Variants in FNBP1 observed in about 807,000 individuals in gnomAD.
FNBP1 encodes formin binding protein 1, also known as formin-binding protein 1.
FNBP1 carries 26 observed loss-of-function variants against 90.6 expected under a neutral mutation model. That is an observed-to-expected ratio of 0.29 (90% confidence interval 0.21 to 0.40). FNBP1 has a LOEUF of 0.40. Ranked by LOEUF, FNBP1 falls within the 10% of genes least tolerant of loss-of-function variation. FNBP1 has a pLI of 1.00. For synonymous variants in FNBP1, 260 were observed against 265.2 expected (o/e 0.98, Z 0.19); for missense variants, 635 against 768.0 (o/e 0.83, Z 2.05).
intron 1 of FNBP1, among the ~76,000 whole-genome samples, chr9:130,002,428 C>A (rs1439871238): frequency 6.6e-6 from 1 of 152,016 alleles, no homozygotes; most frequent in African/African-American, 2.4e-5. Context: ...TTCATGAATA[C>A]CTTGGTGCCG....
intron 6 of FNBP1, among the ~76,000 whole-genome samples, chr9:129,954,933 G>A (rs1482504700): frequency 1.3e-5 from 2 of 152,024 alleles, no homozygotes; most frequent in Non-Finnish European, 2.9e-5. Flanking sequence ...GGTGGAGATT[G>A]CAATGAACCG....
In FNBP1 at chr9:130,042,376, C is replaced by A. The variant is rs1235128150; in HGVS notation, c.24+576G>T. Among the ~76,000 whole-genome samples, 1 of 152,144 alleles carries A rather than the reference C, an allele frequency of 6.6e-6. No homozygotes were observed. Among genetic ancestry groups the A allele is most frequent in the African/African-American group, 2.4e-5 (1 of 41,436 alleles). On this transcript the variant is annotated intron_variant, in intron 1 of 16. Transcript: ENST00000446176. This position sits in a 1 kb window ranked among gnomAD's most constrained non-coding sequence, Gnocchi z 5.5. ...GAGCTACCCCGAAAGAACAAGTGCG[C>A]CCGGAGCCGCCACGGGCCAGAAGTC...
chr9:129,903,609 G>A (rs542400016), intron 12 of FNBP1, among the ~76,000 whole-genome samples: 10 of 152,090 alleles, frequency 6.6e-5, no homozygotes, highest in African/African-American at 2.2e-4. Context: ...TTGCCACACA[G>A]ATAAAATAAA....
At chr9:129,952,584 A>T (rs543066484) in intron 6 of FNBP1, among the ~76,000 whole-genome samples, 20 of 152,330 alleles carry the variant, frequency 1.3e-4, no homozygotes, top group African/African-American at 4.6e-4. Context: ...AAAAGTATAA[A>T]GTCAAAGTAT....
upstream of FNBP1, among the ~76,000 whole-genome samples, chr9:130,046,732 C>T (rs1436360879): frequency 1.4e-5 from 2 of 143,952 alleles, no homozygotes; most frequent in Admixed American, 7.2e-5. Flanking sequence ...CGCGCCACTA[C>T]ACTCCAGCCA....
chr9:129,890,245 G>A lies in FNBP1; in HGVS notation c.*294C>T, dbSNP rs1432203330. On this transcript the variant is annotated 3_prime_UTR_variant, in exon 17 of 17. Coordinates refer to ENST00000446176, the MANE Select transcript of FNBP1 (RefSeq NM_015033.3). This position sits in a 1 kb window ranked among gnomAD's most constrained non-coding sequence, Gnocchi z 5.8. ...CTGAGGGCCCAGGAAGGAGCAGGTA[G>A]GGGCGTGTGTCCCACCGTCTCAGTG... is the stretch of plus-strand genomic sequence containing the variant. The A allele has an allele frequency of 2.0e-6, 1 of 503,690 alleles. No individual in the cohort carries two copies. The highest frequency in any genetic ancestry group is 3.0e-5 in the South Asian group (1 of 33,622). The allele number at this position is 503,690 out of a possible 1,614,324, so 31.2% of individuals were successfully genotyped here.
chr9:129,912,814 T>C (rs2039564729), intron 11 of FNBP1, among the ~76,000 whole-genome samples: 1 of 152,210 alleles, frequency 6.6e-6, no homozygotes, highest in Non-Finnish European at 1.5e-5. Context: ...GGCAATGTTC[T>C]ATGGCCGCTC....
upstream of FNBP1, among the ~76,000 whole-genome samples, chr9:130,046,752 G>A (rs1055070974): frequency 2.1e-5 from 3 of 142,432 alleles, no homozygotes; most frequent in South Asian, 2.3e-4. Context: ...ACTGTACTCC[G>A]GCAACAGAGT....
At chr9:130,036,512 A>C (rs780855229) in intron 1 of FNBP1, among the ~76,000 whole-genome samples, 15 of 152,230 alleles carry the variant, frequency 9.9e-5, no homozygotes, top group Non-Finnish European at 8.8e-5. Context: ...CAAAACTGAT[A>C]TCTAAATATC....
chr9:129,992,904 G>A (rs1270373199), intron 2 of FNBP1, among the ~76,000 whole-genome samples: 1 of 148,750 alleles, frequency 6.7e-6, no homozygotes, highest in African/African-American at 2.5e-5. Flanking sequence ...TCAATGGTGA[G>A]GGAGCTTGAA....
chr9:130,050,814 GTTTT>G, the FNBP1 span, among the ~76,000 whole-genome samples: 1 of 37,134 alleles, frequency 2.7e-5, no homozygotes, highest in African/African-American at 5.0e-5. Flanking sequence ...TAATTTTTGT[GTTTT>G]TTTTTTGTTT....
intron 12 of FNBP1, among the ~76,000 whole-genome samples, chr9:129,905,109 G>A (rs770911043): frequency 6.6e-6 from 1 of 151,472 alleles, no homozygotes; most frequent in Non-Finnish European, 1.5e-5. Context: ...TGACTTCATG[G>A]CCCACACCTC....
chr9:129,950,408 T>G (rs1437908853), intron 6 of FNBP1, among the ~76,000 whole-genome samples: 1 of 152,198 alleles, frequency 6.6e-6, no homozygotes, highest in Non-Finnish European at 1.5e-5. Context: ...GTACTAGATC[T>G]TTGGAAATAT....
intron 1 of FNBP1, among the ~76,000 whole-genome samples, chr9:130,027,611 T>C (rs939859263): frequency 1.3e-5 from 2 of 152,126 alleles, no homozygotes; most frequent in African/African-American, 4.8e-5. Context: ...GTCAGGAATT[T>C]GGACAGGGAC....
At position 129,888,750 on chromosome 9, in the gene FNBP1, AG is replaced by A; in HGVS notation, c.*1788del. The A allele has an allele frequency of 4.3e-6, 1 of 233,164 alleles. No homozygotes were observed. The allele number at this position is 233,164 out of a possible 1,614,324, so 14.4% of individuals were successfully genotyped here. ...CGAGGGCTGACTGAGCTGCTCCGGAAGGGTGGTGTGTGGTCAACCTTGGTTG... is the reference window on the plus strand; with the variant it reads ...CGAGGGCTGACTGAGCTGCTCCGGAAGGTGGTGTGTGGTCAACCTTGGTTG... On this transcript the variant is annotated 3_prime_UTR_variant, in exon 17 of 17. Coordinates refer to ENST00000446176, the MANE Select transcript of FNBP1 (RefSeq NM_015033.3).
intron 11 of FNBP1, among the ~76,000 whole-genome samples, chr9:129,914,746 CATACATATGTCTATATATAT>C (rs1242020855): frequency 1.9e-3 from 148 of 77,530 alleles, no homozygotes; most frequent in African/African-American, 5.8e-3. Context: ...TATGTATATA[CATACATATGTCTATATATAT>C]ATATATATAT....
At chr9:129,973,061 C>A (rs1170263048) in intron 4 of FNBP1, among the ~76,000 whole-genome samples, 4 of 152,170 alleles carry the variant, frequency 2.6e-5, no homozygotes, top group Non-Finnish European at 5.9e-5. Flanking sequence ...CATAACCTGC[C>A]TAGGGCAGGG....
At chr9:129,914,757 CTATATATATATATATATATATA>C (rs756342214) in intron 11 of FNBP1, among the ~76,000 whole-genome samples, 12 of 109,974 alleles carry the variant, frequency 1.1e-4, no homozygotes, top group South Asian at 2.8e-4. Flanking sequence ...ATACATATGT[CTATATATATATATATATATATA>C]TATATATATA....
chr9:130,014,156 A>T, intron 1 of FNBP1: 1 of 432,180 alleles, frequency 2.3e-6, no homozygotes, highest in East Asian at 7.3e-5. Flanking sequence ...TGAACACTCA[A>T]ATAGGGTGGC....
Sources: gnomAD v4.1 joint callset for allele counts (sites outside exome capture counted in the v4.1 genomes callset) on GRCh38, gnomAD v4.1.1 for gene constraint, Gnocchi (gnomAD v3.1) non-coding constraint, MANE v1.5 for transcripts, NCBI Gene and HGNC (gene_info 2026-07-23, HGNC 2026-07-21) for gene names.